Variants in TMC1 observed in about 807,000 individuals in gnomAD.
The protein encoded by TMC1 is transmembrane channel like 1.
A neutral mutation model predicts 105.8 loss-of-function variants in TMC1; 84 were observed. That is an observed-to-expected ratio of 0.79 (90% CI 0.67 to 0.95). The LOEUF is 0.95. TMC1 is among the 40% of genes least tolerant of loss of function. TMC1 has a pLI of 0.00. For synonymous variants in TMC1, 315 were observed against 311.5 expected (o/e 1.01, Z -0.12); for missense variants, 817 against 914.1 (o/e 0.89, Z 1.37).
intron 18 of TMC1, among the ~76,000 whole-genome samples, chr9:72,813,219 A>G (rs1828732820): frequency 6.6e-6 from 1 of 152,092 alleles, no homozygotes; most frequent in Non-Finnish European, 1.5e-5. Context: ...AACAAAATAT[A>G]TTGCAAATTG....
At chr9:72,578,444 A>C (rs1006247497) in intron 2 of TMC1, 1 of 152,250 alleles carries the variant, frequency 6.6e-6, no homozygotes, top group Non-Finnish European at 1.5e-5. Flanking sequence ...CCTCCTTCGC[A>C]AGCAATGAAT....
At chr9:72,647,435 G>A (rs374978568) in intron 4 of TMC1, among the ~76,000 whole-genome samples, 2 of 151,966 alleles carry the variant, frequency 1.3e-5, no homozygotes, top group Admixed American at 6.6e-5. Context: ...AAATCAAATT[G>A]CATGTTGTTC....
chr9:72,539,506 C>T lies in TMC1; in HGVS notation c.-428+17593C>T, dbSNP rs1022666279. 3.2e-5 allele frequency among the ~76,000 whole-genome samples: 4 copies of T among 124,958 alleles called. No individual in the cohort carries two copies. The Admixed American group carries it at 3.2e-4, about 10-fold the overall frequency. 82.0% of individuals were successfully genotyped at this position (124,958 alleles called of 152,430 possible). ...TCCATAGGGCATGGACACAACACAG[C>T]CAAGTTTTTTTTTCTAAAGCATAAC... On this transcript the variant is annotated intron_variant, in intron 1 of 23. Transcript: ENST00000297784.
intron 8 of TMC1, among the ~76,000 whole-genome samples, chr9:72,738,330 G>GT (rs1453482430): frequency 6.6e-6 from 1 of 151,990 alleles, no homozygotes; most frequent in Admixed American, 6.6e-5. Flanking sequence ...GGTGTGTGCT[G>GT]TTTTTTTGGT....
intron 8 of TMC1, among the ~76,000 whole-genome samples, chr9:72,723,942 G>A (rs1827073904): frequency 6.6e-6 from 1 of 152,114 alleles, no homozygotes; most frequent in Non-Finnish European, 1.5e-5. Flanking sequence ...AGTTGTGGAG[G>A]CATTTATTAC....
chr9:72,700,713 C>CATATATATAT lies in TMC1; in HGVS notation c.362+92_362+101dup, dbSNP rs72200654. ...GATTTTCTAAATCCTCTGAATATTC[C>CATATATATAT]ATATATATATATATATATATATATA... On this transcript the variant is annotated intron_variant, in intron 8 of 23. Transcript: ENST00000297784. 8.3e-4 allele frequency: 265 copies of CATATATATAT among 320,818 alleles called. 1 individual carries two copies. Among genetic ancestry groups the CATATATATAT allele is most frequent in the African/African-American group, 6.7e-3 (231 of 34,650 alleles). 19.9% of individuals were successfully genotyped at this position (320,818 alleles called of 1,614,324 possible).
At chr9:72,802,369 C>A (rs1161708770) in intron 17 of TMC1, among the ~76,000 whole-genome samples, 1 of 150,976 alleles carries the variant, frequency 6.6e-6, no homozygotes, top group Admixed American at 6.6e-5. Context: ...GGAATACTAT[C>A]ATTCATTCAT....
chr9:72,669,883 A>G lies in TMC1; in HGVS notation c.17-18826A>G, dbSNP rs146387896. Among the ~76,000 whole-genome samples the G allele has an allele frequency of 5.6e-4, 85 of 152,324 alleles. No homozygotes were observed. The East Asian group carries it at 0.013, about 23-fold the overall frequency. ...TTCAAGACATTATACCTCAGACAAC[A>G]AAGGATAATGACCTCTGAGAGAGGG... On this transcript the variant is annotated intron_variant, in intron 5 of 23. Coordinates refer to ENST00000297784, the MANE Select transcript of TMC1 (RefSeq NM_138691.3).
chr9:72,559,112 T>G (rs960671123), intron 1 of TMC1, among the ~76,000 whole-genome samples: 255 of 151,708 alleles, frequency 1.7e-3, no homozygotes, highest in Non-Finnish European at 3.2e-3. Context: ...TTTTTTTTTT[T>G]GAGATGGAGT....
chr9:72,726,200 A>G (rs1398627378), intron 8 of TMC1, among the ~76,000 whole-genome samples: 2 of 152,204 alleles, frequency 1.3e-5, no homozygotes, highest in East Asian at 3.8e-4. Flanking sequence ...AAATTTTTAA[A>G]TGGTATGAAT....
At chr9:72,695,232 A>G (rs573172285) in intron 7 of TMC1, among the ~76,000 whole-genome samples, 1 of 152,206 alleles carries the variant, frequency 6.6e-6, no homozygotes, top group East Asian at 1.9e-4. Flanking sequence ...TTATAGAAAG[A>G]AAGTGTGCTA....
intron 1 of TMC1, among the ~76,000 whole-genome samples, chr9:72,576,754 G>A (rs776429914): frequency 9.9e-5 from 15 of 151,386 alleles, no homozygotes; most frequent in African/African-American, 2.9e-4. Flanking sequence ...TCAGCCTCTC[G>A]AGTATCTGGG....
At chr9:72,555,990 A>G in intron 1 of TMC1, among the ~76,000 whole-genome samples, 1 of 150,738 alleles carries the variant, frequency 6.6e-6, no homozygotes, top group African/African-American at 2.4e-5. Context: ...AAAAAAAAAA[A>G]AAAAAAAAAA....
intron 8 of TMC1, among the ~76,000 whole-genome samples, chr9:72,701,322 C>A (rs529823848): frequency 2.3e-4 from 35 of 152,296 alleles, no homozygotes; most frequent in Non-Finnish European, 2.5e-4. Flanking sequence ...TCAGAGCACA[C>A]AGATTTATAA....
At chr9:72,658,295 G>A (rs1329314253) in intron 5 of TMC1, among the ~76,000 whole-genome samples, 1 of 150,554 alleles carries the variant, frequency 6.6e-6, no homozygotes, top group East Asian at 2.0e-4. Flanking sequence ...TATATACTGT[G>A]TATTTTTTCA....
chr9:72,536,306 T>A (rs1823583605), intron 1 of TMC1, among the ~76,000 whole-genome samples: 2 of 152,110 alleles, frequency 1.3e-5, no homozygotes, highest in African/African-American at 4.8e-5. Context: ...TGGTAACAGG[T>A]CCCATCCAAG....
At chr9:72,730,307 G>C (rs1827189997) in intron 8 of TMC1, among the ~76,000 whole-genome samples, 11 of 152,140 alleles carry the variant, frequency 7.2e-5, no homozygotes, top group Admixed American at 6.6e-4. Context: ...TCTATGGCTG[G>C]TTTTGGGGAA....
chr9:72,641,002 G>C (rs528019896), intron 4 of TMC1, among the ~76,000 whole-genome samples: 49 of 152,316 alleles, frequency 3.2e-4, no homozygotes, highest in Middle Eastern at 6.8e-3. Context: ...TCATGTGGCA[G>C]ACAATATGGA....
chr9:72,693,119 C>CAAA (rs5898267), intron 6 of TMC1, among the ~76,000 whole-genome samples: 17 of 132,598 alleles, frequency 1.3e-4, no homozygotes, highest in Non-Finnish European at 1.6e-4. Context: ...AATTGTGTCT[C>CAAA]AAAAAAAAAA....
Sources: allele counts gnomAD v4.1 joint callset (sites outside exome capture counted in the v4.1 genomes callset), GRCh38; gene constraint gnomAD v4.1.1; transcripts MANE v1.5; gene names NCBI Gene and HGNC (gene_info 2026-07-23, HGNC 2026-07-21).